The following WWP2 variants were observed in gnomAD, a reference collection of about 807,000 sequenced individuals.
WWP2 encodes the protein WW domain containing E3 ubiquitin protein ligase 2, also known as NEDD4-like E3 ubiquitin-protein ligase WWP2.
A neutral mutation model predicts 121.0 loss-of-function variants in WWP2; 57 were observed. That is an observed-to-expected ratio of 0.47 (90% CI 0.38 to 0.59). The LOEUF (loss-of-function observed/expected upper bound fraction) is 0.59. WWP2 is among the 20% of genes least tolerant of loss of function. The pLI, the probability that WWP2 is intolerant of heterozygous loss-of-function variation, is 0.00. For synonymous variants in WWP2, 449 were observed against 441.3 expected, an observed-to-expected ratio of 1.02 and a Z score of -0.22; for missense variants, 962 against 1,158.9, an observed-to-expected ratio of 0.83 and a Z score of 2.47.
chr16:69,831,604 G>A (rs111836396), intron 4 of WWP2, among the ~76,000 whole-genome samples: 13 of 152,160 alleles, frequency 8.5e-5, no homozygotes, highest in African/African-American at 2.2e-4. Context: ...CTTGCTGCAC[G>A]TACAAACTCT....
chr16:69,807,966 A>G (rs1365936636), intron 4 of WWP2, among the ~76,000 whole-genome samples: 1 of 152,226 alleles, frequency 6.6e-6, no homozygotes, highest in East Asian at 1.9e-4. Flanking sequence ...AAACAAACAA[A>G]CAAAACAAAA....
At chr16:69,918,817 C>A (rs975826172) in intron 10 of WWP2, among the ~76,000 whole-genome samples, 2 of 151,226 alleles carry the variant, frequency 1.3e-5, no homozygotes, top group African/African-American at 4.8e-5. Context: ...TAAAGAGTAA[C>A]ATTTAAATTT....
chr16:69,932,222 G>T (rs752466834), intron 16 of WWP2, among the ~76,000 whole-genome samples: 4 of 152,246 alleles, frequency 2.6e-5, no homozygotes, highest in Non-Finnish European at 5.9e-5. Context: ...CCAGCTCCTG[G>T]GGAGGCTGAG....
chr16:69,778,877 G>A (rs1014302259), intron 1 of WWP2, among the ~76,000 whole-genome samples: 1 of 151,148 alleles, frequency 6.6e-6, no homozygotes, highest in African/African-American at 2.4e-5. Context: ...CTGCCCTCAA[G>A]TGATCCGCAT....
intron 8 of WWP2, among the ~76,000 whole-genome samples, chr16:69,907,272 G>A (rs1015217237): frequency 1.3e-5 from 2 of 152,196 alleles, no homozygotes; most frequent in Non-Finnish European, 2.9e-5. Flanking sequence ...GTGTAACTAG[G>A]TTTAGCTGGG....
intron 6 of WWP2, among the ~76,000 whole-genome samples, chr16:69,869,146 C>T (rs2057584561): frequency 6.6e-6 from 1 of 152,164 alleles, no homozygotes; most frequent in South Asian, 2.1e-4. Flanking sequence ...CCTCAGCCTC[C>T]CAAAGTGCTG....
At chr16:69,786,932 G>C in intron 1 of WWP2, 64 bp from the exon 2 acceptor site, 1 of 1,358,952 alleles carries the variant, frequency 7.4e-7, no homozygotes, top group Non-Finnish European at 1.0e-6. Context: ...TATTGAAATT[G>C]AGTTAAACTC....
Position 69,873,230 on chromosome 16 carries a change from T to C in WWP2, c.703+1299T>C, listed in dbSNP as rs535206844. Among the ~76,000 whole-genome samples, 9 of 152,350 alleles carry C rather than the reference T, an allele frequency of 5.9e-5. No homozygotes were observed. In the South Asian group the frequency reaches 1.9e-3, roughly 32 times the overall value. On this transcript the variant is annotated intron_variant, in intron 7 of 23. Coordinates refer to ENST00000359154, the MANE Select transcript of WWP2 (RefSeq NM_001270454.2). ...ACTTACTGAGTGGAAGAAATTGATT[T>C]GGGTTCCTTTGCAATACCCTTCAGT...
At chr16:69,894,336 C>T (rs765894133) in intron 8 of WWP2, among the ~76,000 whole-genome samples, 21 of 152,122 alleles carry the variant, frequency 1.4e-4, no homozygotes, top group Non-Finnish European at 2.8e-4. Context: ...CCGCCTTGGC[C>T]TCCCAAAGTG....
At chr16:69,850,023 C>T (rs146095976) in intron 6 of WWP2, among the ~76,000 whole-genome samples, 4 of 152,324 alleles carry the variant, frequency 2.6e-5, no homozygotes, top group African/African-American at 9.6e-5. Flanking sequence ...GAAGGCAAAT[C>T]TCTGCCGTTG....
At position 69,937,115 on chromosome 16, in the gene WWP2, C is replaced by G. The variant is rs1469603362; in HGVS notation, c.2118-3C>G. 6.2e-7 allele frequency: 1 copy of G among 1,613,844 alleles called. No homozygotes were observed. Among genetic ancestry groups the G allele is most frequent in the African/African-American group, 1.3e-5 (1 of 75,036 alleles). On this transcript the variant is annotated splice_polypyrimidine_tract_variant and splice_region_variant and intron_variant, in intron 19 of 23. Transcript: ENST00000359154. This position sits in a 1 kb window ranked among gnomAD's most constrained non-coding sequence, Gnocchi z 6.6. ...TCCACCCATGGCTGCTCTTTGGTCTCAGGCTGCTGACTGACTGGCGTTTCA... is the reference window on the plus strand; with the variant it reads ...TCCACCCATGGCTGCTCTTTGGTCTGAGGCTGCTGACTGACTGGCGTTTCA...
At chr16:69,841,934 A>G in intron 5 of WWP2, 90 bp from the exon 6 acceptor site, 1 of 1,322,452 alleles carries the variant, frequency 7.6e-7, no homozygotes, top group Non-Finnish European at 1.1e-6. Context: ...TCTAACACAC[A>G]GACGGAGTTC....
intron 4 of WWP2, among the ~76,000 whole-genome samples, chr16:69,802,458 T>C (rs1444152324): frequency 6.6e-6 from 1 of 152,172 alleles, no homozygotes; most frequent in Non-Finnish European, 1.5e-5. Context: ...TACTTTCTGC[T>C]TCTGTGAATT....
intron 6 of WWP2, among the ~76,000 whole-genome samples, chr16:69,857,882 C>G (rs111358678): frequency 3.3e-5 from 5 of 151,912 alleles, no homozygotes; most frequent in African/African-American, 1.2e-4. Context: ...CTAGTCTGGT[C>G]TTGGATCCTC....
intron 7 of WWP2, 101 bp downstream of exon 7, chr16:69,872,032 G>A: frequency 1.4e-6 from 2 of 1,480,102 alleles, no homozygotes; most frequent in Non-Finnish European, 1.8e-6. Flanking sequence ...AATAGAGGGT[G>A]GGCGTCAGAA....
Position 69,783,406 on chromosome 16 carries a change from C to T in WWP2, c.-15-3590C>T, listed in dbSNP as rs890995204. Among the ~76,000 whole-genome samples the T allele has an allele frequency of 2.8e-4, 42 of 152,020 alleles. 1 individual carries two copies. Among genetic ancestry groups the T allele is most frequent in the Middle Eastern group, 3.4e-3 (1 of 292 alleles). ...AAGTCAGGCACCGGGCTTGGTGGTCCGATCCTGTATTTCCAGCTACTCAGG... is the reference window on the plus strand; with the variant it reads ...AAGTCAGGCACCGGGCTTGGTGGTCTGATCCTGTATTTCCAGCTACTCAGG... On this transcript the variant is annotated intron_variant, in intron 1 of 23. Coordinates refer to ENST00000359154, the MANE Select transcript of WWP2 (RefSeq NM_001270454.2).
intron 10 of WWP2, among the ~76,000 whole-genome samples, chr16:69,918,120 ATTCCCCGTCTTTC>A (rs1432228967): frequency 6.6e-6 from 1 of 152,072 alleles, no homozygotes; most frequent in African/African-American, 2.4e-5. Flanking sequence ...CTAAAACTGA[ATTCCCCGTCTTTC>A]TTCCGAGATC....
chr16:69,930,296 C>T (rs374816599), intron 13 of WWP2, 38 bp downstream of exon 13: 20 of 1,607,472 alleles, frequency 1.2e-5, no homozygotes, highest in Non-Finnish European at 1.4e-5. Flanking sequence ...TGTCAGGAGC[C>T]GAGGCCCAGG....
At chr16:69,938,581 G>GCA (rs1267156135) in intron 21 of WWP2, among the ~76,000 whole-genome samples, 84 of 142,690 alleles carry the variant, frequency 5.9e-4, no homozygotes, top group African/African-American at 1.6e-3. Context: ...CCGTGCCACT[G>GCA]CTCTGCAGTG....
Sources: allele counts gnomAD v4.1 joint callset (sites outside exome capture counted in the v4.1 genomes callset), GRCh38; gene constraint gnomAD v4.1.1; non-coding constraint Gnocchi (gnomAD v3.1); transcripts MANE v1.5; gene names NCBI Gene and HGNC (gene_info 2026-07-23, HGNC 2026-07-21).